The following CACNA1A variants were observed in gnomAD, a reference collection of about 807,000 sequenced individuals.
CACNA1A encodes the protein calcium voltage-gated channel subunit alpha1 A.
A neutral mutation model predicts 262.4 loss-of-function variants in CACNA1A; 57 were observed. The ratio of observed to expected loss-of-function variants is 0.22; its 90% CI spans 0.18 to 0.27. The LOEUF is 0.27. Among genes scored for constraint, CACNA1A ranks in the 10% least tolerant of loss-of-function variants. The pLI is 1.00. For missense variants in CACNA1A, 2,526 were observed against 3,562.8 expected, an observed-to-expected ratio of 0.71 and a Z score of 7.41; for synonymous variants, 1,431 against 1,419.3, an observed-to-expected ratio of 1.01 and a Z score of -0.18.
chr19:13,283,066 A>C (rs1196683090), intron 22 of CACNA1A, among the ~76,000 whole-genome samples: 1 of 152,200 alleles, frequency 6.6e-6, no homozygotes, highest in Non-Finnish European at 1.5e-5. Flanking sequence ...CCAGGCTCAC[A>C]GAGAAACTGC....
rs201367954 is a variant in CACNA1A, at chr19:13,498,807, C to G, written c.293+7125G>C. ...CATCTCTTGCACCATTCTTCTCTCT[C>G]AGGTGTTAAGAACTCACCATTAGGG... is the stretch of plus-strand genomic sequence containing the variant. On this transcript the variant is annotated intron_variant, in intron 1 of 46. Coordinates refer to ENST00000360228, the MANE Select transcript of CACNA1A (RefSeq NM_001127222.2). Among the ~76,000 whole-genome samples the G allele has an allele frequency of 5.9e-5, 9 of 152,310 alleles. No homozygotes were observed. The East Asian group carries it at 1.3e-3, about 23-fold the overall frequency.
chr19:13,371,755 C>A lies in CACNA1A; in HGVS notation c.564G>T (p.Glu188Asp). 1 of 1,577,146 alleles carries A rather than the reference C, an allele frequency of 6.3e-7. No homozygotes were observed. Among genetic ancestry groups the A allele is most frequent in the Non-Finnish European group, 8.6e-7 (1 of 1,161,546 alleles). ...CTGCCCTCAGCGTCCGTAGGTCAAACTCCGTCCCAACTGTCGCCAAGATGC... is the reference window on the plus strand; with the variant it reads ...CTGCCCTCAGCGTCCGTAGGTCAAAATCCGTCCCAACTGTCGCCAAGATGC... ...LTGILATVGT[E>D]FDLRTLRAVR... Residue 188 changes from glutamate (E) to aspartate (D), a missense_variant, in exon 4 of 47, where the codon GAG becomes GAT. Coordinates refer to ENST00000360228, the MANE Select transcript of CACNA1A (RefSeq NM_001127222.2).
At position 13,278,324 on chromosome 19, in the gene CACNA1A, T is replaced by C. The variant is rs1253568867; in HGVS notation, c.3823-1196A>G. 2.0e-5 allele frequency among the ~76,000 whole-genome samples: 3 copies of C among 152,202 alleles called. No homozygotes were observed. The East Asian group carries it at 5.8e-4, about 29-fold the overall frequency. On this transcript the variant is annotated intron_variant, in intron 22 of 46. Transcript: ENST00000360228. ...CCCTCACTTCCTCTCATTCTCTCCC[T>C]TGCTCACTTCCTTTTGTTCCCCAAG... is the stretch of plus-strand genomic sequence containing the variant.
At chr19:13,450,214 A>G (rs1275773675) in intron 3 of CACNA1A, 1 of 151,148 alleles carries the variant, frequency 6.6e-6, no homozygotes, top group South Asian at 2.1e-4. Context: ...TCTATCCCCA[A>G]TTCTCCCCAT....
At chr19:13,309,110 G>A (rs950890543) in intron 12 of CACNA1A, among the ~76,000 whole-genome samples, 2 of 152,180 alleles carry the variant, frequency 1.3e-5, no homozygotes, top group African/African-American at 2.4e-5. Context: ...CCAGGTTCAA[G>A]CGATTCTCCT....
chr19:13,392,313 C>T (rs534189581), intron 3 of CACNA1A, among the ~76,000 whole-genome samples: 4 of 152,272 alleles, frequency 2.6e-5, no homozygotes, highest in East Asian at 1.9e-4. Context: ...GGTACTGTTG[C>T]GAGACCTTGC....
chr19:13,402,795 T>TAC (rs1028237262), intron 3 of CACNA1A, among the ~76,000 whole-genome samples: 3 of 126,190 alleles, frequency 2.4e-5, no homozygotes, highest in African/African-American at 7.4e-5. Context: ...TATACATATA[T>TAC]ACACACATAT....
intron 6 of CACNA1A, among the ~76,000 whole-genome samples, chr19:13,337,998 T>C (rs1462197214): frequency 2.6e-5 from 4 of 152,152 alleles, no homozygotes; most frequent in African/African-American, 7.2e-5. Context: ...GGCGGGCAGA[T>C]CATGAGGTCA....
intron 34 of CACNA1A, among the ~76,000 whole-genome samples, chr19:13,232,801 C>T (rs989289542): frequency 1.3e-5 from 2 of 151,144 alleles, no homozygotes; most frequent in African/African-American, 4.9e-5. Context: ...GTAATCCCAG[C>T]ACTTTGGGTG....
intron 34 of CACNA1A, among the ~76,000 whole-genome samples, chr19:13,234,159 C>T (rs1452429368): frequency 6.6e-6 from 1 of 151,312 alleles, no homozygotes; most frequent in African/African-American, 2.4e-5. Flanking sequence ...ACCATCCTGG[C>T]TAACATGGTG....
intron 10 of CACNA1A, among the ~76,000 whole-genome samples, chr19:13,320,439 A>C (rs1490602841): frequency 6.6e-6 from 1 of 152,256 alleles, no homozygotes; most frequent in Non-Finnish European, 1.5e-5. Flanking sequence ...TAAATGAATT[A>C]ATACATCTTA....
At position 13,298,975 on chromosome 19, in the gene CACNA1A, G is replaced by A. The variant is rs1462953587; in HGVS notation, c.2658C>T (p.Ser886=). 3.2e-6 allele frequency: 5 copies of A among 1,583,994 alleles called. No homozygotes were observed. In the African/African-American group the frequency reaches 5.4e-5, roughly 17 times the overall value. ...CCTCCCGGCTCAGCTCGGCCTCCTGGCTTCCCGCCCAGGGCCTCCGTGCGT... is the reference window on the plus strand; with the variant it reads ...CCTCCCGGCTCAGCTCGGCCTCCTGACTTCCCGCCCAGGGCCTCCGTGCGT... ...GLDARRPWAG[S]QEAELSREGP... The change falls in exon 19 of 47, where the codon AGC becomes AGT. Residue 886 remains serine (S), a synonymous_variant. Coordinates refer to ENST00000360228, the MANE Select transcript of CACNA1A (RefSeq NM_001127222.2).
intron 6 of CACNA1A, among the ~76,000 whole-genome samples, chr19:13,346,449 C>T (rs1334987174): frequency 6.6e-6 from 1 of 151,438 alleles, no homozygotes; most frequent in Non-Finnish European, 1.5e-5. Flanking sequence ...TCCTCTCCTG[C>T]CTCAGCCTCC....
chr19:13,245,034 C>T (rs140117385), intron 31 of CACNA1A, 148 bp downstream of exon 31: 4 of 676,720 alleles, frequency 5.9e-6, no homozygotes, highest in Non-Finnish European at 1.0e-5. Context: ...CCCCGGGGCC[C>T]CAGTTCTCCC....
At chr19:13,490,673 A>C (rs1192226794) in intron 1 of CACNA1A, among the ~76,000 whole-genome samples, 1 of 135,430 alleles carries the variant, frequency 7.4e-6, no homozygotes, top group Admixed American at 7.6e-5. Context: ...GGAAAGAAAG[A>C]GAGAGAGAGA....
At chr19:13,235,834 A>T (rs952663139) in intron 31 of CACNA1A, 104 bp from the exon 32 acceptor site, 1 of 706,842 alleles carries the variant, frequency 1.4e-6, no homozygotes, top group African/African-American at 1.8e-5. Flanking sequence ...ACAGGAAAAA[A>T]GCAAGCCAGA....
intron 3 of CACNA1A, among the ~76,000 whole-genome samples, chr19:13,375,019 T>C (rs956386394): frequency 1.3e-5 from 2 of 152,214 alleles, no homozygotes; most frequent in African/African-American, 2.4e-5. Flanking sequence ...TTTGTAGATA[T>C]TGTGTTTCTT....
intron 24 of CACNA1A, chr19:13,275,452 A>G: frequency 4.6e-6 from 1 of 219,150 alleles, no homozygotes; most frequent in Non-Finnish European, 9.4e-6. Context: ...GGGGGTCAGA[A>G]TTCTCATGCA....
At chr19:13,290,701 C>T (rs902564037) in intron 19 of CACNA1A, among the ~76,000 whole-genome samples, 3 of 152,058 alleles carry the variant, frequency 2.0e-5, no homozygotes, top group African/African-American at 7.2e-5. Context: ...GTGTGAGCCA[C>T]CACGCCTGGC....
Sources: gnomAD v4.1 joint callset for allele counts (sites outside exome capture counted in the v4.1 genomes callset) on GRCh38, gnomAD v4.1.1 for gene constraint, MANE v1.5 for transcripts, NCBI Gene and HGNC (gene_info 2026-07-23, HGNC 2026-07-21) for gene names.